The following SLC2A14 variants were observed in gnomAD, a reference collection of about 807,000 sequenced individuals.
SLC2A14 encodes the protein solute carrier family 2 member 14, also known as solute carrier family 2, facilitated glucose transporter member 14.
SLC2A14 carries 13 observed loss-of-function variants against 43.0 expected under a neutral mutation model. The ratio of observed to expected loss-of-function variants is 0.30; its 90% CI spans 0.20 to 0.48. SLC2A14 has a LOEUF of 0.48. Ranked by LOEUF, SLC2A14 falls within the 20% of genes least tolerant of loss-of-function variation. SLC2A14 has a pLI of 0.99. For missense variants in SLC2A14, 428 were observed against 620.4 expected (o/e 0.69, Z 3.29); for synonymous variants, 190 against 233.8 (o/e 0.81, Z 1.71).
chr12:7,889,728 G>A (rs1229275546), intron 1 of SLC2A14, among the ~76,000 whole-genome samples: 1 of 151,472 alleles, frequency 6.6e-6, no homozygotes, highest in Non-Finnish European at 1.5e-5. Flanking sequence ...TAGAGACAGG[G>A]TTCCATTATA....
intron 9 of SLC2A14, among the ~76,000 whole-genome samples, chr12:7,818,543 T>TC (rs1474518764): frequency 6.6e-6 from 1 of 152,004 alleles, no homozygotes; most frequent in African/African-American, 2.4e-5. Context: ...ATGCCTGTAA[T>TC]CCCAGCTACC....
chr12:7,881,729 G>C (rs1945577749), intron 1 of SLC2A14, among the ~76,000 whole-genome samples: 3 of 152,142 alleles, frequency 2.0e-5, no homozygotes, highest in Admixed American at 2.0e-4. Flanking sequence ...TGTGAAGCCA[G>C]CTGGGCTCCT....
intron 2 of SLC2A14, among the ~76,000 whole-genome samples, chr12:7,861,962 A>AG (rs1300499213): frequency 3.9e-4 from 4 of 10,170 alleles, no homozygotes; most frequent in African/African-American, 2.6e-3. Flanking sequence ...ACTCCATTTC[A>AG]AAAAAAAAAA....
At chr12:7,860,292 T>G (rs1054957294) in intron 2 of SLC2A14, 1 of 152,162 alleles carries the variant, frequency 6.6e-6, no homozygotes, top group African/African-American at 2.4e-5. Context: ...AGGGAAAATA[T>G]CAGGCAGAAG....
chr12:7,863,138 C>T (rs1944685436), intron 2 of SLC2A14, among the ~76,000 whole-genome samples: 1 of 152,138 alleles, frequency 6.6e-6, no homozygotes, highest in Non-Finnish European at 1.5e-5. Flanking sequence ...ACTCTCACCG[C>T]AAAGGTCTGC....
chr12:7,863,351 A>C (rs1309163588), intron 2 of SLC2A14: 8 of 452,752 alleles, frequency 1.8e-5, no homozygotes, highest in Non-Finnish European at 3.5e-5. Flanking sequence ...GCACCACTTT[A>C]AGGGCTGTAA....
intron 5 of SLC2A14, among the ~76,000 whole-genome samples, chr12:7,829,143 C>T (rs186912288): frequency 3.0e-3 from 460 of 152,086 alleles, no homozygotes; most frequent in Non-Finnish European, 4.7e-3. Context: ...ACCCAGGAGG[C>T]GGAGGTTGCA....
At chr12:7,859,865 C>T (rs1319282815) in intron 2 of SLC2A14, among the ~76,000 whole-genome samples, 2 of 152,054 alleles carry the variant, frequency 1.3e-5, no homozygotes, top group African/African-American at 4.8e-5. Flanking sequence ...GATCCTCTAA[C>T]TTGAAAGATC....
At chr12:7,818,268 C>T (rs993051606) in intron 9 of SLC2A14, among the ~76,000 whole-genome samples, 6 of 152,200 alleles carry the variant, frequency 3.9e-5, no homozygotes, top group East Asian at 1.9e-4. Context: ...ACTGCATCAT[C>T]GACCTCCTGG....
intron 2 of SLC2A14, among the ~76,000 whole-genome samples, chr12:7,845,308 A>G (rs1372733500): frequency 6.6e-6 from 1 of 152,208 alleles, no homozygotes; most frequent in Non-Finnish European, 1.5e-5. Context: ...TAGTCTATTC[A>G]TGCTCCTCCA....
At chr12:7,832,577 G>A (rs1865127379) in intron 3 of SLC2A14, 145 bp downstream of exon 3, 1 of 804,468 alleles carries the variant, frequency 1.2e-6, no homozygotes, top group Non-Finnish European at 2.0e-6. Context: ...CTGGGCTCAA[G>A]TGATCTTTAA....
At chr12:7,839,465 C>T (rs995108697) in intron 2 of SLC2A14, among the ~76,000 whole-genome samples, 4 of 152,178 alleles carry the variant, frequency 2.6e-5, no homozygotes, top group African/African-American at 4.8e-5. Flanking sequence ...TAGGAGTCTG[C>T]TCATGCAGGA....
chr12:7,818,466 G>C (rs1021961709), intron 9 of SLC2A14, among the ~76,000 whole-genome samples: 1 of 152,142 alleles, frequency 6.6e-6, no homozygotes, highest in African/African-American at 2.4e-5. Context: ...TTGGAGACCA[G>C]CCTGGCCAAC....
upstream of SLC2A14, among the ~76,000 whole-genome samples, chr12:7,873,669 A>G (rs7309043): frequency 0.85 from 129,377 of 151,638 alleles, 55,497 homozygotes; most frequent in South Asian, 0.96. Flanking sequence ...AAACAAACAA[A>G]CAAACAAACA....
chr12:7,835,395 A>G lies in SLC2A14; in HGVS notation c.19-2581T>C, dbSNP rs767114640. ...GCGAGACTGTCTCAAACAAACAAAC[A>G]AACAAAATTTACACCTAATACTTTA... is the stretch of plus-strand genomic sequence containing the variant. On this transcript the variant is annotated intron_variant, in intron 2 of 10. Transcript: ENST00000431042. 7.2e-5 allele frequency among the ~76,000 whole-genome samples: 11 copies of G among 152,332 alleles called. No homozygotes were observed. In the South Asian group the frequency reaches 2.3e-3, roughly 32 times the overall value.
At chr12:7,832,887 A>G (rs1428510360) in intron 2 of SLC2A14, 73 bp from the exon 3 acceptor site, 3 of 1,440,878 alleles carry the variant, frequency 2.1e-6, no homozygotes, top group Non-Finnish European at 2.9e-6. Context: ...CTTATTAATT[A>G]TGGAGCTGTA....
chr12:7,877,916 TATTTTTAGTAGAG>T (rs112633651), upstream of SLC2A14, among the ~76,000 whole-genome samples: 2,004 of 152,230 alleles, frequency 0.013, 42 homozygotes, highest in African/African-American at 0.043. Flanking sequence ...CTAATTTTTG[TATTTTTAGTAGAG>T]AAGGGGCTTC....
chr12:7,889,426 G>A (rs1268009602), intron 1 of SLC2A14, among the ~76,000 whole-genome samples: 6 of 151,644 alleles, frequency 4.0e-5, no homozygotes, highest in South Asian at 2.1e-4. Flanking sequence ...GTAGAGACGG[G>A]TTTCTCCATG....
intron 1 of SLC2A14, among the ~76,000 whole-genome samples, chr12:7,880,281 C>T (rs980919762): frequency 5.9e-5 from 9 of 151,944 alleles, no homozygotes; most frequent in South Asian, 2.1e-4. Flanking sequence ...GCCTGGGCAA[C>T]AAGAGCAAAA....
Sources: allele counts gnomAD v4.1 joint callset (sites outside exome capture counted in the v4.1 genomes callset), GRCh38; gene constraint gnomAD v4.1.1; transcripts MANE v1.5; gene names NCBI Gene and HGNC (gene_info 2026-07-23, HGNC 2026-07-21).